Variants in SH3KBP1 observed in about 807,000 individuals in gnomAD.
SH3KBP1 encodes the protein SH3 domain-containing kinase-binding protein 1.
SH3KBP1 carries 8 observed loss-of-function variants against 50.1 expected under a neutral mutation model. That is an observed-to-expected ratio of 0.16 (90% confidence interval 0.09 to 0.29). SH3KBP1 has a LOEUF of 0.29. Ranked by LOEUF, SH3KBP1 falls within the 10% of genes least tolerant of loss-of-function variation. SH3KBP1 has a pLI of 1.00. For missense variants in SH3KBP1, 377 were observed against 535.2 expected (o/e 0.70, Z 2.92); for synonymous variants, 227 against 218.6 (o/e 1.04, Z -0.34).
In SH3KBP1 at chrX:19,773,044, C is replaced by A. The variant is rs1028891694; in HGVS notation, c.163-26603G>T. Among the ~76,000 whole-genome samples the A allele has an allele frequency of 1.2e-4, 13 of 111,467 alleles. 1 individual carries two copies. In the Admixed American group the frequency reaches 1.2e-3, roughly 11 times the overall value. On this transcript the variant is annotated intron_variant, in intron 2 of 17. Coordinates refer to ENST00000397821, the MANE Select transcript of SH3KBP1 (RefSeq NM_031892.3). ...GACCCATAGACACAGAAAAACAGAA[C>A]CCCCATACACAGAGACACTGATGCA...
At chrX:19,671,522 T>C (rs965177651) in intron 6 of SH3KBP1, among the ~76,000 whole-genome samples, 1 of 111,727 alleles carries the variant, frequency 9.0e-6, no homozygotes, top group Non-Finnish European at 1.9e-5. Context: ...AAATGAAATA[T>C]TTAAATCACA....
At chrX:19,556,844 T>C (rs1412779686) in intron 13 of SH3KBP1, among the ~76,000 whole-genome samples, 1 of 110,603 alleles carries the variant, frequency 9.0e-6, no homozygotes, top group Non-Finnish European at 1.9e-5. Context: ...TGTTTTGTCT[T>C]ATTTTTTGGT....
chrX:19,553,539 T>G (rs1424285882), intron 13 of SH3KBP1, among the ~76,000 whole-genome samples: 3 of 109,724 alleles, frequency 2.7e-5, no homozygotes, highest in African/African-American at 6.7e-5. Flanking sequence ...AGCGAACAAA[T>G]GAACAAACTA....
At position 19,870,224 on chromosome X, in the gene SH3KBP1, G is replaced by A. The variant is rs1004171205; in HGVS notation, c.4+17083C>T. On this transcript the variant is annotated intron_variant, in intron 1 of 17. Transcript: ENST00000397821. ...GATAAAATTATTTCTTAAAAAAGAA[G>A]AAAGATGATTTTAAAAAGACTTAGG... Among the ~76,000 whole-genome samples the A allele has an allele frequency of 7.1e-5, 8 of 112,759 alleles. No individual in the cohort carries two copies. In the Admixed American group the frequency reaches 7.5e-4, roughly 11 times the overall value.
intron 2 of SH3KBP1, among the ~76,000 whole-genome samples, chrX:19,755,794 G>A (rs775542241): frequency 4.5e-5 from 5 of 111,971 alleles, no homozygotes; most frequent in East Asian, 2.8e-4. Flanking sequence ...TGACCTAACC[G>A]GTTATGTTAT....
At chrX:19,629,557 T>G (rs192177840) in intron 8 of SH3KBP1, among the ~76,000 whole-genome samples, 91 of 111,408 alleles carry the variant, frequency 8.2e-4, no homozygotes, top group African/African-American at 2.9e-3. Context: ...AGCCTGGTCC[T>G]TGCTCACCTG....
chrX:19,638,132 C>T (rs1430916029), intron 7 of SH3KBP1, among the ~76,000 whole-genome samples: 1 of 108,256 alleles, frequency 9.2e-6, no homozygotes, highest in Non-Finnish European at 1.9e-5. Context: ...AACAAAAGGC[C>T]GGGTGCGGTG....
At chrX:19,745,576 T>G (rs369576458) in intron 3 of SH3KBP1, among the ~76,000 whole-genome samples, 3 of 112,001 alleles carry the variant, frequency 2.7e-5, no homozygotes, top group African/African-American at 9.7e-5. Context: ...CACTAAAAGC[T>G]GGCAGCCAAG....
intron 12 of SH3KBP1, chrX:19,588,254 T>G: frequency 3.9e-4 from 327 of 836,282 alleles, no homozygotes; most frequent in Non-Finnish European, 4.6e-4. Context: ...TAGCCACACA[T>G]GAGATATACA....
At chrX:19,688,394 A>G (rs1435137132) in intron 5 of SH3KBP1, among the ~76,000 whole-genome samples, 2 of 112,204 alleles carry the variant, frequency 1.8e-5, no homozygotes, top group African/African-American at 6.5e-5. Context: ...CTTAATTGGG[A>G]TTCTGCTGTG....
chrX:19,662,783 T>C (rs2062495045), intron 6 of SH3KBP1, among the ~76,000 whole-genome samples: 1 of 109,662 alleles, frequency 9.1e-6, no homozygotes, highest in African/African-American at 3.3e-5. Flanking sequence ...AACATGAACA[T>C]ACTTTGATTT....
In SH3KBP1 at chrX:19,547,464, G is replaced by T. The variant is rs183568184; in HGVS notation, c.1495-1414C>A. Among the ~76,000 whole-genome samples the T allele has an allele frequency of 2.1e-4, 23 of 111,834 alleles. 1 individual carries two copies. In the East Asian group the frequency reaches 5.6e-3, roughly 27 times the overall value. On this transcript the variant is annotated intron_variant, in intron 14 of 17. Transcript: ENST00000397821. ...TGTTTACTTAAGGCAGAAACCTAAT[G>T]CATTTTAGGGAATTTTTAAGCAAAT...
At chrX:19,659,976 T>TA (rs763123722) in intron 6 of SH3KBP1, among the ~76,000 whole-genome samples, 54 of 112,937 alleles carry the variant, frequency 4.8e-4, no homozygotes, top group African/African-American at 1.5e-3. Flanking sequence ...TAAATATTCT[T>TA]AATTTACTTC....
chrX:19,588,247 C>G (rs1192212789), intron 12 of SH3KBP1: 8 of 799,759 alleles, frequency 1.0e-5, no homozygotes, highest in Non-Finnish European at 1.3e-5. Context: ...GGGGTCGTAG[C>G]CACACATGAG....
chrX:19,740,161 A>T (rs1177013376), intron 3 of SH3KBP1, among the ~76,000 whole-genome samples: 3 of 111,544 alleles, frequency 2.7e-5, no homozygotes, highest in Non-Finnish European at 3.8e-5. Flanking sequence ...AGAAAATAAC[A>T]TGAAAAAGGG....
intron 1 of SH3KBP1, among the ~76,000 whole-genome samples, chrX:19,842,371 C>T (rs1797748581): frequency 9.1e-6 from 1 of 110,375 alleles, no homozygotes; most frequent in African/African-American, 3.3e-5. Context: ...ACTAAAAATA[C>T]AAAAATTAGC....
chrX:19,804,703 G>A (rs1313347953), intron 2 of SH3KBP1, among the ~76,000 whole-genome samples: 1 of 109,419 alleles, frequency 9.1e-6, no homozygotes, highest in African/African-American at 3.3e-5. Flanking sequence ...AATAGGTCTG[G>A]TGTGGCTGTG....
intron 1 of SH3KBP1, among the ~76,000 whole-genome samples, chrX:19,854,169 G>A (rs758865854): frequency 2.8e-4 from 31 of 110,169 alleles, no homozygotes; most frequent in Non-Finnish European, 5.5e-4. Flanking sequence ...AGGCTGGAGT[G>A]CAGTGGTATG....
intron 2 of SH3KBP1, among the ~76,000 whole-genome samples, chrX:19,779,330 G>A (rs908346171): frequency 3.3e-4 from 36 of 108,068 alleles, no homozygotes; most frequent in Middle Eastern, 4.8e-3. Flanking sequence ...AGGAGAAGGA[G>A]GTGAGAGTTA....
Sources: gnomAD v4.1 joint callset for allele counts (sites outside exome capture counted in the v4.1 genomes callset) on GRCh38, gnomAD v4.1.1 for gene constraint, MANE v1.5 for transcripts, NCBI Gene and HGNC (gene_info 2026-07-23, HGNC 2026-07-21) for gene names.